The following TESMIN variants were observed in gnomAD, a reference collection of about 807,000 sequenced individuals.
TESMIN encodes the protein CXC domain containing 2.
A neutral mutation model predicts 47.4 loss-of-function variants in TESMIN; 34 were observed. The observed-to-expected ratio is 0.72, with a 90% CI of 0.55 to 0.96. The LOEUF (loss-of-function observed/expected upper bound fraction) is 0.96, where lower values mean the gene tolerates loss of function less well. TESMIN is among the 40% of genes least tolerant of loss of function. The pLI is 0.00. For missense variants in TESMIN, 610 were observed against 637.2 expected (o/e 0.96, Z 0.46); for synonymous variants, 278 against 258.9 (o/e 1.07, Z -0.71).
At chr11:68,728,882 T>C (rs1422050554) in intron 6 of TESMIN, among the ~76,000 whole-genome samples, 1 of 152,242 alleles carries the variant, frequency 6.6e-6, no homozygotes, top group Non-Finnish European at 1.5e-5. Context: ...CGTGAAGACC[T>C]ACTACTCAGA....
chr11:68,728,048 C>T (rs182683895), intron 6 of TESMIN, among the ~76,000 whole-genome samples: 1 of 152,292 alleles, frequency 6.6e-6, no homozygotes, highest in Non-Finnish European at 1.5e-5. Flanking sequence ...CCTCCATATT[C>T]CCTGAGACAC....
At chr11:68,710,763 G>C in intron 9 of TESMIN, 111 bp downstream of exon 9, 2 of 1,082,410 alleles carry the variant, frequency 1.8e-6, no homozygotes, top group Non-Finnish European at 2.6e-6. Flanking sequence ...CCAAACACAC[G>C]CCCGCCCCTG....
At chr11:68,710,633 TCAGA>T (rs1424319675) in intron 9 of TESMIN, 1 of 483,596 alleles carries the variant, frequency 2.1e-6, no homozygotes, top group Non-Finnish European at 3.6e-6. Flanking sequence ...CGGGAGTAAC[TCAGA>T]CAGTGAGGAT....
Position 68,708,029 on chromosome 11 carries a change from G to T in TESMIN, c.*279C>A. 1 of 459,064 alleles carries T rather than the reference G, an allele frequency of 2.2e-6. No individual in the cohort carries two copies. Among genetic ancestry groups the T allele is most frequent in the Non-Finnish European group, 4.1e-6 (1 of 246,386 alleles). 28.4% of individuals were successfully genotyped at this position (459,064 alleles called of 1,614,324 possible). A position where few individuals can be genotyped will look rare whatever the true frequency, so the allele number is the denominator to read the frequency against. ...GGCCTGCTGTGCCCTCCCCTGCCCT[G>T]CTCTGCCCTCCGCCGCCCTGCAGAC... On this transcript the variant is annotated 3_prime_UTR_variant, in exon 10 of 10. Transcript: ENST00000255087.
chr11:68,743,873 G>C (rs991313327), intron 4 of TESMIN, among the ~76,000 whole-genome samples: 1 of 152,138 alleles, frequency 6.6e-6, no homozygotes, highest in Non-Finnish European at 1.5e-5. Flanking sequence ...AGATGCAGGT[G>C]GGGGGAGTAT....
rs572390173 is a variant in TESMIN at position 68,714,533 on chromosome 11, G to A, written c.1021-1126C>T. The stretch of plus-strand genomic sequence containing the variant: ...GCCTATGCTGGTGCCTCAGGTAAGT[G>A]GAATCCCACAGCTTGTACTCCCGTG... On this transcript the variant is annotated intron_variant, in intron 7 of 9. Transcript: ENST00000255087. Among the ~76,000 whole-genome samples the A allele has an allele frequency of 1.2e-4, 18 of 152,352 alleles. No homozygotes were observed. In the South Asian group the frequency reaches 3.7e-3, roughly 32 times the overall value.
downstream of TESMIN, among the ~76,000 whole-genome samples, chr11:68,705,375 C>G (rs1423377856): frequency 6.6e-6 from 1 of 152,168 alleles, no homozygotes; most frequent in Non-Finnish European, 1.5e-5. Context: ...TGAAAGGGGA[C>G]CAGTGCTGGC....
Position 68,744,791 on chromosome 11 carries a change from T to TG in TESMIN, c.751+199dup, listed in dbSNP as rs572556752. On this transcript the variant is annotated intron_variant, in intron 4 of 9. Coordinates refer to ENST00000255087, the MANE Select transcript of TESMIN (RefSeq NM_004923.3). ...CATGAGGGACAGCTATCCAAGAATT[T>TG]GAGACAGTCAGTACAGGGTACAAAA... is the stretch of plus-strand genomic sequence containing the variant. The TG allele has an allele frequency of 1.3e-3, 503 of 373,268 alleles. 2 individuals carry two copies. Among genetic ancestry groups the TG allele is most frequent in the African/African-American group, 9.9e-3 (471 of 47,542 alleles). The allele number at this position is 373,268 out of a possible 1,614,324, so 23.1% of individuals were successfully genotyped here.
At chr11:68,732,370 G>A (rs760255732) in intron 6 of TESMIN, among the ~76,000 whole-genome samples, 37 of 152,176 alleles carry the variant, frequency 2.4e-4, no homozygotes, top group Non-Finnish European at 4.4e-4. Context: ...GAGTCATCTC[G>A]TTTCCAAGTC....
At chr11:68,747,081 A>C (rs920207544) in intron 3 of TESMIN, 127 bp downstream of exon 3, 10 of 1,073,402 alleles carry the variant, frequency 9.3e-6, no homozygotes, top group Non-Finnish European at 1.4e-5. Flanking sequence ...CTAATGAGAC[A>C]ACCAAAAATC....
chr11:68,730,953 T>A (rs1029468462), intron 6 of TESMIN, among the ~76,000 whole-genome samples: 3 of 152,118 alleles, frequency 2.0e-5, no homozygotes, highest in African/African-American at 7.2e-5. Context: ...ACTGAAACAA[T>A]AGCAACAAAA....
chr11:68,721,528 T>C (rs1313497796), intron 6 of TESMIN, among the ~76,000 whole-genome samples: 1 of 152,224 alleles, frequency 6.6e-6, no homozygotes, highest in Admixed American at 6.5e-5. Flanking sequence ...ATAGTCACTT[T>C]AGACTGTGAG....
chr11:68,734,372 C>T (rs1017035013), intron 6 of TESMIN, among the ~76,000 whole-genome samples: 40 of 152,178 alleles, frequency 2.6e-4, no homozygotes, highest in African/African-American at 8.0e-4. Context: ...GGCAGCTGCA[C>T]ATTAAACCAT....
At chr11:68,721,513 TG>T (rs761891925) in intron 6 of TESMIN, among the ~76,000 whole-genome samples, 11 of 152,196 alleles carry the variant, frequency 7.2e-5, no homozygotes, top group Non-Finnish European at 1.5e-4. Context: ...ATGATTCATA[TG>T]GGAATAGTCA....
chr11:68,731,119 TC>T (rs1168915782), intron 6 of TESMIN, among the ~76,000 whole-genome samples: 2 of 151,910 alleles, frequency 1.3e-5, no homozygotes, highest in Admixed American at 1.3e-4. Context: ...GTGTGGAGGT[TC>T]CCCCAGGAAA....
At chr11:68,750,104 G>A in intron 2 of TESMIN, 86 bp downstream of exon 2, 1 of 1,139,950 alleles carries the variant, frequency 8.8e-7, no homozygotes, top group Admixed American at 3.6e-5. Context: ...GCTTGTAGAG[G>A]GAAATCCTGG....
chr11:68,731,555 C>T (rs116901050), intron 6 of TESMIN, among the ~76,000 whole-genome samples: 5 of 152,318 alleles, frequency 3.3e-5, no homozygotes, highest in Non-Finnish European at 5.9e-5. Flanking sequence ...GACTAACTCA[C>T]GCTAAGAAAA....
At chr11:68,742,986 T>C (rs1594301578) in intron 4 of TESMIN, among the ~76,000 whole-genome samples, 1 of 151,958 alleles carries the variant, frequency 6.6e-6, no homozygotes, top group African/African-American at 2.4e-5. Context: ...CAAGTGATCC[T>C]CCTGCCTCAC....
intron 4 of TESMIN, among the ~76,000 whole-genome samples, chr11:68,742,848 C>T (rs1040854503): frequency 1.3e-4 from 20 of 152,016 alleles, no homozygotes; most frequent in African/African-American, 4.1e-4. Flanking sequence ...TACCCAGCTT[C>T]GCTGGATATT....
Sources: gnomAD v4.1 joint callset for allele counts (sites outside exome capture counted in the v4.1 genomes callset) on GRCh38, gnomAD v4.1.1 for gene constraint, MANE v1.5 for transcripts, NCBI Gene and HGNC (gene_info 2026-07-23, HGNC 2026-07-21) for gene names.